Variants in USP42 observed in about 807,000 individuals in gnomAD.
The protein encoded by USP42 is ubiquitin specific peptidase 42, also known as ubiquitin carboxyl-terminal hydrolase 42.
In USP42, 23 loss-of-function variants were observed where a neutral mutation model predicts 113.0. That is an observed-to-expected ratio of 0.20 (90% CI 0.15 to 0.29). The LOEUF (loss-of-function observed/expected upper bound fraction) is 0.29, where lower values mean the gene tolerates loss of function less well. Among genes scored for constraint, USP42 ranks in the 10% least tolerant of loss-of-function variants. The probability of loss-of-function intolerance (pLI) is 1.00; values close to 1 mark genes in which losing one functional copy is unlikely to be tolerated. For missense variants in USP42, 2,174 were observed against 1,779.8 expected (o/e 1.22, Z -3.99); for synonymous variants, 933 against 699.0 (o/e 1.33, Z -5.28).
chr7:6,087,822 G>A, the USP42 span, among the ~76,000 whole-genome samples: 1 of 151,080 alleles, frequency 6.6e-6, no homozygotes, highest in Non-Finnish European at 1.5e-5. Flanking sequence ...AGTCCCCAGA[G>A]GAACATATGT....
intron 3 of USP42, among the ~76,000 whole-genome samples, chr7:6,121,606 G>A (rs1457827705): frequency 6.6e-6 from 1 of 152,148 alleles, no homozygotes. Flanking sequence ...GATTTCAGCA[G>A]TGAAGCCATC....
chr7:6,104,803 T>G (rs1779163704), upstream of USP42: 2 of 151,436 alleles, frequency 1.3e-5, no homozygotes, highest in Middle Eastern at 3.2e-3. Flanking sequence ...GCTTGTTAGC[T>G]GCGCGCCGCG....
chr7:6,133,602 A>G (rs1322386835), intron 3 of USP42, among the ~76,000 whole-genome samples: 1 of 150,446 alleles, frequency 6.6e-6, no homozygotes, highest in African/African-American at 2.4e-5. Context: ...GCAGCCTCCA[A>G]CTGCTGGGCT....
rs753757499 is a variant in USP42 at position 6,147,749 on chromosome 7, G to T, written c.1243G>T (p.Val415Leu). Reference protein sequence around the residue: ...YVLFYIRSHDVKNGGELTHPT... With the variant: ...YVLFYIRSHDLKNGGELTHPT... Reference sequence around the variant, plus strand: ...TCTCCTTGTTTCCAGGTCCCATGATGTGAAAAATGGAGGTGAACTTACTCA... The same window carrying T: ...TCTCCTTGTTTCCAGGTCCCATGATTTGAAAAATGGAGGTGAACTTACTCA... Residue 415 changes from valine to leucine, a missense_variant, in exon 12 of 18, where the codon GTG becomes TTG. Coordinates refer to ENST00000306177, the MANE Select transcript of USP42 (RefSeq NM_032172.3). 12 of 1,581,356 alleles carry T rather than the reference G, an allele frequency of 7.6e-6. No individual in the cohort carries two copies. In the South Asian group the frequency reaches 1.4e-4, roughly 18 times the overall value.
rs759750226 is a variant in USP42 at position 6,138,710 on chromosome 7, A to G, written c.554-382A>G. On this transcript the variant is annotated intron_variant, in intron 4 of 17. Transcript: ENST00000306177. ...CTGAGCTCCGCCTCCTGTCAGATCA[A>G]TGGCAGCATTAGATTCTCATAGCAG... Among the ~76,000 whole-genome samples, 12 of 152,186 alleles carry G rather than the reference A, an allele frequency of 7.9e-5. No individual in the cohort carries two copies. The South Asian group carries it at 1.0e-3, about 13-fold the overall frequency.
intron 4 of USP42, among the ~76,000 whole-genome samples, chr7:6,138,612 G>A (rs1331300033): frequency 2.0e-5 from 3 of 152,192 alleles, no homozygotes; most frequent in African/African-American, 7.2e-5. Flanking sequence ...CTGGGCCGTA[G>A]ACTGGTACCC....
At chr7:6,094,910 C>G in the USP42 span, among the ~76,000 whole-genome samples, 1 of 150,784 alleles carries the variant, frequency 6.6e-6, no homozygotes, top group Non-Finnish European at 1.5e-5. Context: ...GCCTCAGCCT[C>G]CTGAGTAGCT....
intron 4 of USP42, among the ~76,000 whole-genome samples, chr7:6,138,822 ACAATTT>A (rs1781296248): frequency 6.6e-6 from 1 of 152,186 alleles, no homozygotes; most frequent in Non-Finnish European, 1.5e-5. Flanking sequence ...CTGAGCTGGA[ACAATTT>A]CATCCCAACC....
chr7:6,092,104 TC>T, the USP42 span, among the ~76,000 whole-genome samples: 1 of 135,202 alleles, frequency 7.4e-6, no homozygotes, highest in African/African-American at 3.2e-5. Context: ...TTCCTCCTCT[TC>T]TTCTTCTTCT....
chr7:6,103,713 C>T (rs1347956070), upstream of USP42, among the ~76,000 whole-genome samples: 6 of 103,146 alleles, frequency 5.8e-5, no homozygotes, highest in Non-Finnish European at 8.7e-5. Context: ...CCAGCCTGGG[C>T]AACATAGCGA....
intron 1 of USP42, among the ~76,000 whole-genome samples, chr7:6,107,864 AT>A (rs1407427518): frequency 4.6e-5 from 7 of 152,230 alleles, no homozygotes; most frequent in African/African-American, 1.7e-4. Flanking sequence ...ATTGATTTAA[AT>A]TTTCAATTCA....
chr7:6,160,165 A>C (rs1221311434), intron 17 of USP42, among the ~76,000 whole-genome samples: 1 of 152,260 alleles, frequency 6.6e-6, no homozygotes, highest in African/African-American at 2.4e-5. Flanking sequence ...TGTCACATGT[A>C]GTCAGCAAGA....
chr7:6,149,878 C>G lies in USP42; in HGVS notation c.1682C>G (p.Ser561Cys). 1 of 1,614,070 alleles carries G rather than the reference C, an allele frequency of 6.2e-7. No individual in the cohort carries two copies. The highest frequency in any genetic ancestry group is 8.5e-7 in the Non-Finnish European group (1 of 1,179,910). The change falls in exon 13 of 18, where the codon TCT becomes TGT. Residue 561 changes from serine to cysteine, a missense_variant. Transcript: ENST00000306177. The stretch of plus-strand genomic sequence containing the variant: ...GTTCCCTCTTCTACCATTACCAATT[C>G]TGCAGTACAGTCTACCTCGAACGCA... The part of the protein sequence containing the change: ...KPVPSSTITN[S>C]AVQSTSNAST...
chr7:6,140,041 G>A (rs756078242), intron 5 of USP42, 87 bp from the exon 6 acceptor site: 7 of 1,197,812 alleles, frequency 5.8e-6, no homozygotes, highest in Non-Finnish European at 6.2e-6. Context: ...TTGATCTTTT[G>A]TGAGCTCCCA....
intron 7 of USP42, among the ~76,000 whole-genome samples, chr7:6,142,721 CA>C (rs140131924): frequency 6.6e-6 from 1 of 151,788 alleles, no homozygotes. Context: ...CCTGTCTCTA[CA>C]AAAAAATGAA....
In USP42 at chr7:6,154,927, C is replaced by T. The variant is rs1016372847; in HGVS notation, c.3373C>T (p.Leu1125Phe). ...CCCCCGCGCAGGCGCGCCCCACGCC[C>T]TCGCCCCGCACCCCGACCGCTTCTC... ...SSPRAGAPHA[L>F]APHPDRFSHD... The change falls in exon 15 of 18, where the codon CTC (leucine) becomes TTC (phenylalanine). Residue 1125 changes from leucine to phenylalanine, a missense_variant. Leu to Phe is a conservative substitution (Grantham distance 22). Coordinates refer to ENST00000306177, the MANE Select transcript of USP42 (RefSeq NM_032172.3). 1.2e-5 allele frequency: 18 copies of T among 1,550,548 alleles called. No homozygotes were observed. The Admixed American group carries it at 1.8e-4, about 15-fold the overall frequency.
intron 3 of USP42, among the ~76,000 whole-genome samples, chr7:6,133,597 C>G (rs1032177950): frequency 9.2e-5 from 14 of 152,060 alleles, no homozygotes; most frequent in African/African-American, 3.4e-4. Flanking sequence ...TTACTGCAGC[C>G]TCCAACTGCT....
At chr7:6,129,936 A>G (rs1334844682) in intron 3 of USP42, among the ~76,000 whole-genome samples, 1 of 152,076 alleles carries the variant, frequency 6.6e-6, no homozygotes, top group Non-Finnish European at 1.5e-5. Context: ...TGTTTGAGAA[A>G]TTCTTAGTTC....
At position 6,147,787 on chromosome 7, in the gene USP42, C is replaced by T. The variant is rs768343811; in HGVS notation, c.1281C>T (p.Ser427=). 1.9e-6 allele frequency: 3 copies of T among 1,610,352 alleles called. No individual in the cohort carries two copies. The highest frequency in any genetic ancestry group is 2.2e-5 in the East Asian group (1 of 44,734). Residue 427 remains serine, a synonymous_variant, in exon 12 of 18, where the codon AGC becomes AGT. Transcript: ENST00000306177. ...GTGAACTTACTCATCCCACCCATAG[C>T]CCCGGCCAGTCCTCTCCCCGCCCCG... ...NGGELTHPTH[S]PGQSSPRPVI... is the part of the protein sequence containing the mutation.
Sources: allele counts gnomAD v4.1 joint callset (sites outside exome capture counted in the v4.1 genomes callset), GRCh38; gene constraint gnomAD v4.1.1; transcripts MANE v1.5; gene names NCBI Gene and HGNC (gene_info 2026-07-23, HGNC 2026-07-21).